Variants in USH2A observed in about 807,000 individuals in gnomAD.
USH2A encodes Usher syndrome 2A (autosomal recessive, mild).
Under a neutral mutation model 538.9 loss-of-function variants are expected in USH2A, and 443 were observed. The ratio of observed to expected loss-of-function variants is 0.82; its 90% CI spans 0.76 to 0.89. The LOEUF is 0.89. Among genes scored for constraint, USH2A ranks in the 40% least tolerant of loss-of-function variants. The pLI is 0.00. For missense variants in USH2A, 6,633 were observed against 6,324.8 expected, an observed-to-expected ratio of 1.05 and a Z score of -1.65; for synonymous variants, 2,413 against 2,273.5, an observed-to-expected ratio of 1.06 and a Z score of -1.75.
intron 61 of USH2A, among the ~76,000 whole-genome samples, chr1:215,721,364 C>A (rs994396718): frequency 6.6e-6 from 1 of 152,128 alleles, no homozygotes; most frequent in Admixed American, 6.5e-5. Flanking sequence ...CATGAGCCAT[C>A]GCCCCCAGTC....
At chr1:216,408,323 C>A (rs894394960) in intron 3 of USH2A, among the ~76,000 whole-genome samples, 1 of 152,094 alleles carries the variant, frequency 6.6e-6, no homozygotes, top group Non-Finnish European at 1.5e-5. Flanking sequence ...AAACAAAACT[C>A]TTTTTAAGCG....
At chr1:216,181,929 A>G (rs1412397276) in intron 20 of USH2A, among the ~76,000 whole-genome samples, 1 of 152,104 alleles carries the variant, frequency 6.6e-6, no homozygotes, top group Non-Finnish European at 1.5e-5. Context: ...TTTGTGATAT[A>G]TAGAATAGAA....
intron 13 of USH2A, among the ~76,000 whole-genome samples, chr1:216,237,547 G>A (rs1415535884): frequency 2.7e-5 from 4 of 149,816 alleles, no homozygotes; most frequent in Non-Finnish European, 1.5e-5. Flanking sequence ...CTCTTTCAGA[G>A]TATACATTCT....
intron 21 of USH2A, among the ~76,000 whole-genome samples, chr1:216,130,015 A>C (rs545361445): frequency 1.3e-5 from 2 of 152,204 alleles, no homozygotes; most frequent in South Asian, 4.1e-4. Flanking sequence ...ATGCAGAAGA[A>C]TAAAACTAGA....
intron 4 of USH2A, among the ~76,000 whole-genome samples, chr1:216,333,503 G>A (rs969946038): frequency 6.6e-6 from 1 of 151,944 alleles, no homozygotes; most frequent in African/African-American, 2.4e-5. Context: ...AGGCATAATG[G>A]GAGTTTCAGA....
At chr1:215,729,213 G>A (rs2102714653) in intron 60 of USH2A, among the ~76,000 whole-genome samples, 1 of 152,224 alleles carries the variant, frequency 6.6e-6, no homozygotes, top group East Asian at 1.9e-4. Flanking sequence ...CATACTGGAT[G>A]ATGAAGAACT....
Position 216,392,025 on chromosome 1 carries a change from C to T in USH2A, c.651+26489G>A, listed in dbSNP as rs74141574. ...ATTCAGTGATACATGTAAATAAAACCCTGGACTCAGTAAAGAGCCAATAGA... is the reference window on the plus strand; with the variant it reads ...ATTCAGTGATACATGTAAATAAAACTCTGGACTCAGTAAAGAGCCAATAGA... On this transcript the variant is annotated intron_variant, in intron 3 of 71. Transcript: ENST00000307340. Among the ~76,000 whole-genome samples, 708 of 152,194 alleles carry T rather than the reference C, an allele frequency of 4.7e-3. 6 individuals carry two copies. The highest frequency in any genetic ancestry group is 0.016 in the African/African-American group (680 of 41,500).
chr1:215,962,962 C>T (rs926077831), intron 37 of USH2A, among the ~76,000 whole-genome samples: 1 of 152,068 alleles, frequency 6.6e-6, no homozygotes, highest in Non-Finnish European at 1.5e-5. Flanking sequence ...CTTACAGACA[C>T]AGCCCAATTT....
chr1:216,130,859 T>A (rs756641438), intron 21 of USH2A, among the ~76,000 whole-genome samples: 1 of 151,774 alleles, frequency 6.6e-6, no homozygotes, highest in Non-Finnish European at 1.5e-5. Context: ...CTAATGGTAG[T>A]TTTAGTTCTG....
At chr1:216,103,884 G>T (rs2032656976) in intron 21 of USH2A, among the ~76,000 whole-genome samples, 1 of 152,060 alleles carries the variant, frequency 6.6e-6, no homozygotes, top group Non-Finnish European at 1.5e-5. Context: ...ACTAGAATTG[G>T]TCAAATTAAA....
chr1:216,151,887 A>G (rs969426372), intron 21 of USH2A, among the ~76,000 whole-genome samples: 1 of 152,012 alleles, frequency 6.6e-6, no homozygotes, highest in African/African-American at 2.4e-5. Context: ...GTCCTTTAAT[A>G]CCCATTTTTT....
At chr1:216,080,766 C>T (rs762094251) in intron 26 of USH2A, among the ~76,000 whole-genome samples, 5 of 150,350 alleles carry the variant, frequency 3.3e-5, no homozygotes, top group African/African-American at 9.8e-5. Context: ...TCTAGGATGA[C>T]GGTAGACATA....
chr1:216,097,279 C>T, intron 21 of USH2A, 66 bp from the exon 22 acceptor site: 2 of 1,611,404 alleles, frequency 1.2e-6, no homozygotes, highest in Admixed American at 1.7e-5. Flanking sequence ...GATAAATGTA[C>T]ATTTACTTTC....
chr1:215,628,760 C>G (rs1656150495), intron 71 of USH2A, 54 bp downstream of exon 71: 2 of 1,585,878 alleles, frequency 1.3e-6, no homozygotes, highest in African/African-American at 2.7e-5. Flanking sequence ...AGCTCTGTAC[C>G]AATATTTTTT....
At chr1:216,179,537 G>C (rs1200220887) in intron 20 of USH2A, among the ~76,000 whole-genome samples, 1 of 152,010 alleles carries the variant, frequency 6.6e-6, no homozygotes, top group Non-Finnish European at 1.5e-5. Context: ...AAACATTCCA[G>C]TAGGTGTGTT....
chr1:216,221,299 A>T (rs1365914429), intron 14 of USH2A, among the ~76,000 whole-genome samples: 1 of 152,154 alleles, frequency 6.6e-6, no homozygotes, highest in East Asian at 1.9e-4. Flanking sequence ...AGATTCTCTT[A>T]AACCAGTGTT....
intron 9 of USH2A, among the ~76,000 whole-genome samples, chr1:216,313,110 G>T (rs1333729697): frequency 6.6e-6 from 1 of 152,178 alleles, no homozygotes; most frequent in Non-Finnish European, 1.5e-5. Context: ...CAAAGCATCA[G>T]GAATTCTCAG....
intron 64 of USH2A, among the ~76,000 whole-genome samples, chr1:215,659,458 G>A (rs1486965776): frequency 6.6e-6 from 1 of 152,136 alleles, no homozygotes; most frequent in African/African-American, 2.4e-5. Flanking sequence ...TTATGGAATG[G>A]GGGAAGTAGG....
At chr1:215,775,682 A>G (rs1661441919) in intron 55 of USH2A, among the ~76,000 whole-genome samples, 1 of 152,174 alleles carries the variant, frequency 6.6e-6, no homozygotes, top group South Asian at 2.1e-4. Context: ...GAATTTCTAC[A>G]TTTTGTTGTA....
Sources: allele counts gnomAD v4.1 joint callset (sites outside exome capture counted in the v4.1 genomes callset), GRCh38; gene constraint gnomAD v4.1.1; transcripts MANE v1.5; gene names NCBI Gene and HGNC (gene_info 2026-07-23, HGNC 2026-07-21).